Variants in NCOA7 observed in about 807,000 individuals in gnomAD.
NCOA7 encodes 140 kDa estrogen receptor-associated protein.
In NCOA7, 45 loss-of-function variants were observed where a neutral mutation model predicts 104.3. The ratio of observed to expected loss-of-function variants is 0.43; its 90% CI spans 0.34 to 0.55. The LOEUF (loss-of-function observed/expected upper bound fraction) is 0.55. NCOA7 is among the 20% of genes least tolerant of loss of function. The probability of loss-of-function intolerance (pLI) is 0.02; values close to 1 mark genes in which losing one functional copy is unlikely to be tolerated. For missense variants in NCOA7, 1,041 were observed against 1,119.7 expected (o/e 0.93, Z 1.00); for synonymous variants, 398 against 402.3 (o/e 0.99, Z 0.13).
intron 2 of NCOA7, among the ~76,000 whole-genome samples, chr6:125,850,602 G>C (rs1276307010): frequency 1.3e-5 from 2 of 152,122 alleles, no homozygotes; most frequent in East Asian, 1.9e-4. Flanking sequence ...TTTAATTATC[G>C]TGGGGACAGT....
Position 125,881,217 on chromosome 6 carries a change from G to T in NCOA7, c.573+14G>T. On this transcript the variant is annotated intron_variant, in intron 6 of 15. Coordinates refer to ENST00000392477, the MANE Select transcript of NCOA7 (RefSeq NM_181782.5). ...GATAAATTGCCTGTATGTATATTAT[G>T]CACTGAAGTTCATTTTTATTAAAGA... 6.5e-7 allele frequency: 1 copy of T among 1,527,312 alleles called. No homozygotes were observed. Among genetic ancestry groups the T allele is most frequent in the Non-Finnish European group, 9.1e-7 (1 of 1,102,132 alleles). 94.6% of individuals were successfully genotyped at this position (1,527,312 alleles called of 1,614,324 possible).
intron 10 of NCOA7, among the ~76,000 whole-genome samples, chr6:125,896,072 A>G (rs1013369753): frequency 6.7e-6 from 1 of 149,098 alleles, no homozygotes; most frequent in South Asian, 2.1e-4. Flanking sequence ...ATACATATAT[A>G]TATATAATGC....
At chr6:125,919,319 C>T in intron 11 of NCOA7, 3 of 1,612,696 alleles carry the variant, frequency 1.9e-6, no homozygotes, top group South Asian at 2.2e-5. Flanking sequence ...AAAACTTGTT[C>T]CTCATTAGAG....
rs565714214 is a variant in NCOA7, at chr6:125,871,206, G to T, written c.272-3683G>T. 1.2e-4 allele frequency among the ~76,000 whole-genome samples: 19 copies of T among 152,316 alleles called. No individual in the cohort carries two copies. The South Asian group carries it at 3.7e-3, about 30-fold the overall frequency. ...AGGTCTGTGAGGAGACCTGAAGTTG[G>T]AAAGGTCAGTGTCATTGGAAGACAG... On this transcript the variant is annotated intron_variant, in intron 3 of 15. Coordinates refer to ENST00000392477, the MANE Select transcript of NCOA7 (RefSeq NM_181782.5).
At chr6:125,813,076 TGA>T (rs1467932699) in intron 1 of NCOA7, among the ~76,000 whole-genome samples, 2 of 152,248 alleles carry the variant, frequency 1.3e-5, no homozygotes, top group African/African-American at 4.8e-5. Flanking sequence ...CTCTGCCGTC[TGA>T]TTATGCTACA....
intron 10 of NCOA7, among the ~76,000 whole-genome samples, chr6:125,900,441 T>C (rs996712865): frequency 6.6e-6 from 1 of 152,266 alleles, no homozygotes; most frequent in East Asian, 1.9e-4. Flanking sequence ...TGTTTTGAGC[T>C]TTCTCAACAG....
intron 2 of NCOA7, among the ~76,000 whole-genome samples, chr6:125,849,575 A>T (rs183250550): frequency 1.3e-3 from 201 of 152,282 alleles, no homozygotes; most frequent in Middle Eastern, 3.4e-3. Flanking sequence ...CTGTTATGAC[A>T]TGTTTTGTTT....
chr6:125,822,957 A>C (rs559423452), intron 2 of NCOA7, among the ~76,000 whole-genome samples: 86 of 150,044 alleles, frequency 5.7e-4, no homozygotes, highest in Non-Finnish European at 8.6e-4. Flanking sequence ...AAAACAACAA[A>C]AAAAAACATG....
chr6:125,872,683 G>A (rs915015165), intron 3 of NCOA7, among the ~76,000 whole-genome samples: 20 of 152,180 alleles, frequency 1.3e-4, no homozygotes, highest in Non-Finnish European at 2.5e-4. Flanking sequence ...AAAGAAAGAC[G>A]AGTATTGTTA....
chr6:125,916,266 G>A (rs570151309), intron 11 of NCOA7, among the ~76,000 whole-genome samples: 1 of 152,312 alleles, frequency 6.6e-6, no homozygotes, highest in East Asian at 1.9e-4. Flanking sequence ...TGCCATGATT[G>A]TAAGTTTCCC....
chr6:125,914,239 T>C (rs1786846003), intron 10 of NCOA7, among the ~76,000 whole-genome samples: 2 of 152,244 alleles, frequency 1.3e-5, no homozygotes, highest in Non-Finnish European at 2.9e-5. Context: ...AGGCTAATTA[T>C]GGTTTATTAA....
intron 1 of NCOA7, among the ~76,000 whole-genome samples, chr6:125,806,271 G>T (rs151009430): frequency 5.5e-4 from 83 of 152,218 alleles, no homozygotes; most frequent in African/African-American, 1.8e-3. Context: ...AACCCAGGAG[G>T]GGGGGATTAC....
chr6:125,872,848 G>A (rs1362538912), intron 3 of NCOA7, among the ~76,000 whole-genome samples: 1 of 152,178 alleles, frequency 6.6e-6, no homozygotes, highest in Non-Finnish European at 1.5e-5. Flanking sequence ...AGTAATTTAG[G>A]TGTGGTTGCC....
intron 2 of NCOA7, among the ~76,000 whole-genome samples, chr6:125,844,870 C>CA (rs1780466810): frequency 6.6e-6 from 1 of 152,164 alleles, no homozygotes; most frequent in Non-Finnish European, 1.5e-5. Context: ...AGCAGCACAA[C>CA]AAATTAGTAA....
At chr6:125,879,278 G>A (rs1219899095) in intron 5 of NCOA7, among the ~76,000 whole-genome samples, 1 of 152,162 alleles carries the variant, frequency 6.6e-6, no homozygotes, top group East Asian at 1.9e-4. Flanking sequence ...GCATCATAGA[G>A]GACAAATAAT....
intron 10 of NCOA7, among the ~76,000 whole-genome samples, chr6:125,907,174 C>G (rs1194893655): frequency 6.6e-6 from 1 of 152,150 alleles, no homozygotes; most frequent in Non-Finnish European, 1.5e-5. Flanking sequence ...GGATATTATG[C>G]GGGAGGCTAC....
chr6:125,885,056 C>T (rs1784144761), intron 7 of NCOA7, 103 bp from the exon 8 acceptor site: 7 of 1,185,618 alleles, frequency 5.9e-6, no homozygotes, highest in African/African-American at 1.5e-5. Context: ...TACTGTGGTT[C>T]ACAAAGTCCA....
rs980229769 is a variant in NCOA7, at chr6:125,848,310, C to T, written c.51-6710C>T. Among the ~76,000 whole-genome samples the T allele has an allele frequency of 2.0e-5, 3 of 152,144 alleles. No individual in the cohort carries two copies. In the East Asian group the frequency reaches 5.8e-4, roughly 29 times the overall value. On this transcript the variant is annotated intron_variant, in intron 2 of 15. Coordinates refer to ENST00000392477, the MANE Select transcript of NCOA7 (RefSeq NM_181782.5). ...CCATCCCATTACTGGGTATATACCC[C>T]AAGGACTATAAATCATGCTGCTATG...
intron 2 of NCOA7, among the ~76,000 whole-genome samples, chr6:125,816,552 T>G (rs1212222847): frequency 6.6e-6 from 1 of 152,226 alleles, no homozygotes; most frequent in Non-Finnish European, 1.5e-5. Flanking sequence ...TTTCTGCTAT[T>G]ATGACTACAG....
Sources: gnomAD v4.1 joint callset for allele counts (sites outside exome capture counted in the v4.1 genomes callset) on GRCh38, gnomAD v4.1.1 for gene constraint, MANE v1.5 for transcripts, NCBI Gene and HGNC (gene_info 2026-07-23, HGNC 2026-07-21) for gene names.